ADAMTS20: variants seen among roughly 807,000 people sequenced by gnomAD.
ADAMTS20 encodes the protein A disintegrin and metalloproteinase with thrombospondin motifs 20.
Under a neutral mutation model 260.1 loss-of-function variants are expected in ADAMTS20, and 225 were observed. The observed-to-expected ratio is 0.87, with a 90% CI of 0.78 to 0.97. ADAMTS20 has a LOEUF of 0.97. Among genes scored for constraint, ADAMTS20 ranks in the 50% least tolerant of loss-of-function variants. ADAMTS20 has a pLI of 0.00. For synonymous variants in ADAMTS20, 802 were observed against 769.5 expected, an observed-to-expected ratio of 1.04 and a Z score of -0.70; for missense variants, 2,400 against 2,337.7, an observed-to-expected ratio of 1.03 and a Z score of -0.55.
At chr12:43,398,918 A>ATTAATACTAAACAGTG in intron 29 of ADAMTS20, 148 bp downstream of exon 29, 2 of 417,336 alleles carry the variant, frequency 4.8e-6, no homozygotes, top group Non-Finnish European at 7.9e-6. Context: ...ACTGTTTAGT[A>ATTAATACTAAACAGTG]TTAATACTAA....
At position 43,501,471 on chromosome 12, in the gene ADAMTS20, G is replaced by GCACACACA. The variant is rs1341840205; in HGVS notation, c.867+680_867+681insTGTGTGTG. Among the ~76,000 whole-genome samples, 58 of 46,778 alleles carry GCACACACA rather than the reference G, an allele frequency of 1.2e-3. 1 individual carries two copies. In the South Asian group the frequency reaches 0.028, roughly 22 times the overall value. The allele number at this position is 46,778 out of a possible 152,430, so 30.7% of individuals were successfully genotyped here. On this transcript the variant is annotated intron_variant, in intron 4 of 38. Transcript: ENST00000389420. ...GTGGTGGAGGGGGATACGCGCGCGC[G>GCACACACA]CGCGCGCGCGCACACACACACACAC...
intron 3 of ADAMTS20, among the ~76,000 whole-genome samples, chr12:43,524,157 G>A (rs538425096): frequency 5.0e-5 from 1 of 19,964 alleles, no homozygotes; most frequent in African/African-American, 1.7e-4. Flanking sequence ...TGGCTAATCA[G>A]GAGGTCCTGA....
At chr12:43,398,548 G>A (rs1940748568) in intron 29 of ADAMTS20, among the ~76,000 whole-genome samples, 1 of 152,068 alleles carries the variant, frequency 6.6e-6, no homozygotes, top group South Asian at 2.1e-4. Flanking sequence ...CCCTTCTCCA[G>A]GATTCAATCT....
chr12:43,536,502 G>T, intron 2 of ADAMTS20, among the ~76,000 whole-genome samples: 1 of 131,580 alleles, frequency 7.6e-6, no homozygotes, highest in East Asian at 1.9e-4. Flanking sequence ...TGCAATAAGT[G>T]CAATAAAAAA....
At chr12:43,368,770 G>T (rs957745853) in intron 37 of ADAMTS20, among the ~76,000 whole-genome samples, 2 of 151,948 alleles carry the variant, frequency 1.3e-5, no homozygotes, top group African/African-American at 4.8e-5. Flanking sequence ...AGGAAAACAT[G>T]CTCTGTATTG....
intron 4 of ADAMTS20, among the ~76,000 whole-genome samples, chr12:43,500,411 CTTG>C (rs1430582570): frequency 1.3e-5 from 2 of 152,274 alleles, no homozygotes; most frequent in Non-Finnish European, 2.9e-5. Context: ...TTGATACAAT[CTTG>C]TACATATCAA....
At chr12:43,383,512 G>T in intron 31 of ADAMTS20, 46 bp downstream of exon 31, 1 of 1,548,030 alleles carries the variant, frequency 6.5e-7, no homozygotes, top group South Asian at 1.3e-5. Flanking sequence ...AGATCCAGCT[G>T]TTTTATCAAG....
chr12:43,446,242 T>A (rs777890383), intron 15 of ADAMTS20, among the ~76,000 whole-genome samples: 1 of 152,058 alleles, frequency 6.6e-6, no homozygotes, highest in Non-Finnish European at 1.5e-5. Flanking sequence ...CTGGGAAAAA[T>A]CACAAATATA....
intron 4 of ADAMTS20, among the ~76,000 whole-genome samples, chr12:43,499,986 T>C (rs1050440025): frequency 2.6e-5 from 4 of 151,898 alleles, no homozygotes; most frequent in Admixed American, 6.6e-5. Flanking sequence ...CTATCAAATC[T>C]AGTATTTTCC....
Position 43,399,252 on chromosome 12 carries a change from T to A in ADAMTS20, c.4285-19A>T. 6.9e-7 allele frequency: 1 copy of A among 1,439,174 alleles called. No homozygotes were observed. Among genetic ancestry groups the A allele is most frequent in the Non-Finnish European group, 9.2e-7 (1 of 1,091,714 alleles). 89.2% of individuals were successfully genotyped at this position (1,439,174 alleles called of 1,614,324 possible). ...CTGAGCACTAGAAAAGAAATATGAATGCACTTGATTCATTTTCTTCTTGAT... is the reference window on the plus strand; with the variant it reads ...CTGAGCACTAGAAAAGAAATATGAAAGCACTTGATTCATTTTCTTCTTGAT... On this transcript the variant is annotated intron_variant, in intron 28 of 38. Coordinates refer to ENST00000389420, the MANE Select transcript of ADAMTS20 (RefSeq NM_025003.5).
chr12:43,523,649 G>A (rs768631686), intron 3 of ADAMTS20, among the ~76,000 whole-genome samples: 6 of 152,048 alleles, frequency 3.9e-5, no homozygotes, highest in Non-Finnish European at 8.8e-5. Flanking sequence ...AGCTGGGTGG[G>A]GCTTACTGCT....
chr12:43,385,950 T>A (rs1240090070), intron 29 of ADAMTS20, among the ~76,000 whole-genome samples: 1 of 152,174 alleles, frequency 6.6e-6, no homozygotes, highest in Non-Finnish European at 1.5e-5. Context: ...ATAGAGGTGT[T>A]TATAGTATTC....
At chr12:43,396,207 T>C (rs1940699792) in intron 29 of ADAMTS20, among the ~76,000 whole-genome samples, 1 of 150,770 alleles carries the variant, frequency 6.6e-6, no homozygotes, top group Non-Finnish European at 1.5e-5. Flanking sequence ...ATCCTTTCGT[T>C]AAAAAAAAAG....
intron 22 of ADAMTS20, 71 bp downstream of exon 22, chr12:43,431,261 A>G: frequency 6.7e-7 from 1 of 1,495,924 alleles, no homozygotes; most frequent in Non-Finnish European, 9.1e-7. Context: ...AGGGAGGAGT[A>G]AATATAACAC....
intron 28 of ADAMTS20, among the ~76,000 whole-genome samples, chr12:43,407,383 T>G (rs986139839): frequency 7.3e-5 from 11 of 151,566 alleles, no homozygotes; most frequent in African/African-American, 2.7e-4. Flanking sequence ...GTATGTACAC[T>G]CATAATGGAT....
At chr12:43,528,860 C>G (rs1943183073) in intron 3 of ADAMTS20, among the ~76,000 whole-genome samples, 1 of 152,084 alleles carries the variant, frequency 6.6e-6, no homozygotes, top group African/African-American at 2.4e-5. Context: ...TCAGAGTAAA[C>G]AGACAGCCCA....
chr12:43,501,286 C>T (rs1040918044), intron 4 of ADAMTS20, among the ~76,000 whole-genome samples: 10 of 151,700 alleles, frequency 6.6e-5, no homozygotes, highest in Admixed American at 2.0e-4. Flanking sequence ...TCTTGAACTT[C>T]CGACCTCAGG....
intron 15 of ADAMTS20, among the ~76,000 whole-genome samples, chr12:43,445,623 T>A (rs977629943): frequency 3.3e-5 from 5 of 151,836 alleles, no homozygotes; most frequent in Admixed American, 2.6e-4. Context: ...GATGGAAGGA[T>A]CCCTTGAGGC....
Position 43,445,032 on chromosome 12 carries a change from T to C in ADAMTS20, c.2198-1149A>G, listed in dbSNP as rs539437433. On this transcript the variant is annotated intron_variant, in intron 15 of 38. Transcript: ENST00000389420. The stretch of plus-strand genomic sequence containing the variant: ...TTAACCTCCTTTTCACTATAAAATA[T>C]TCTTACCCACTACTTTTACTATTTA... Among the ~76,000 whole-genome samples, 4 of 152,302 alleles carry C rather than the reference T, an allele frequency of 2.6e-5. No individual in the cohort carries two copies. In the East Asian group the frequency reaches 7.7e-4, roughly 29 times the overall value.
Sources: allele counts gnomAD v4.1 joint callset (sites outside exome capture counted in the v4.1 genomes callset), GRCh38; gene constraint gnomAD v4.1.1; transcripts MANE v1.5; gene names NCBI Gene and HGNC (gene_info 2026-07-23, HGNC 2026-07-21).